TCEA3: variants seen among roughly 807,000 people sequenced by gnomAD.
The protein encoded by TCEA3 is transcription elongation factor A3.
In TCEA3, 36 loss-of-function variants were observed where a neutral mutation model predicts 44.0. The observed-to-expected ratio is 0.82, with a 90% CI of 0.63 to 1.08. The LOEUF (loss-of-function observed/expected upper bound fraction) is 1.08, where lower values mean the gene tolerates loss of function less well. Ranked by LOEUF, TCEA3 falls within the 50% of genes least tolerant of loss-of-function variation. The probability of loss-of-function intolerance (pLI) is 0.00; values close to 1 mark genes in which losing one functional copy is unlikely to be tolerated. For missense variants in TCEA3, 392 were observed against 441.2 expected (o/e 0.89, Z 1.00); for synonymous variants, 162 against 159.7 (o/e 1.01, Z -0.11).
At chr1:23,411,885 G>A (rs1212851814) in intron 4 of TCEA3, among the ~76,000 whole-genome samples, 1 of 152,212 alleles carries the variant, frequency 6.6e-6, no homozygotes, top group East Asian at 1.9e-4. Context: ...TGCCAGCTAT[G>A]CAAGGCCACA....
At chr1:23,387,790 T>C (rs1638895017) in intron 8 of TCEA3, among the ~76,000 whole-genome samples, 1 of 152,230 alleles carries the variant, frequency 6.6e-6, no homozygotes, top group Non-Finnish European at 1.5e-5. Context: ...TGGTCTATGA[T>C]GTTCCCCTTA....
At chr1:23,395,237 G>T (rs1359372614) in intron 7 of TCEA3, among the ~76,000 whole-genome samples, 1 of 152,210 alleles carries the variant, frequency 6.6e-6, no homozygotes, top group Non-Finnish European at 1.5e-5. Context: ...GGATTCCTGG[G>T]GTGTATTGAT....
intron 7 of TCEA3, among the ~76,000 whole-genome samples, chr1:23,396,933 AGTT>A (rs1639231387): frequency 6.7e-6 from 1 of 148,828 alleles, no homozygotes; most frequent in Non-Finnish European, 1.5e-5. Flanking sequence ...TGAACCCAGA[AGTT>A]GTAGGTTGCA....
At chr1:23,407,638 C>A (rs1203714607) in intron 5 of TCEA3, among the ~76,000 whole-genome samples, 1 of 152,030 alleles carries the variant, frequency 6.6e-6, no homozygotes, top group Non-Finnish European at 1.5e-5. Flanking sequence ...CATGAATATC[C>A]TTCCCCGATC....
At chr1:23,395,217 G>C (rs1186932095) in intron 7 of TCEA3, among the ~76,000 whole-genome samples, 1 of 152,224 alleles carries the variant, frequency 6.6e-6, no homozygotes, top group Non-Finnish European at 1.5e-5. Context: ...GTTTTAAAAT[G>C]TACCACTTGG....
chr1:23,391,806 C>T (rs1639035888), intron 8 of TCEA3, among the ~76,000 whole-genome samples: 1 of 152,058 alleles, frequency 6.6e-6, no homozygotes, highest in South Asian at 2.1e-4. Flanking sequence ...CCCTGTAATC[C>T]CAGCTACTCG....
intron 5 of TCEA3, chr1:23,403,492 T>C (rs1479377365): frequency 1.3e-5 from 2 of 152,330 alleles, no homozygotes; most frequent in East Asian, 1.9e-4. Flanking sequence ...TTACAAAGTA[T>C]TATGTATTTA....
chr1:23,419,611 C>T (rs1177795191), intron 1 of TCEA3, among the ~76,000 whole-genome samples: 3 of 152,064 alleles, frequency 2.0e-5, no homozygotes, highest in East Asian at 1.9e-4. Flanking sequence ...CTGAGGTGGG[C>T]GGGTCACTTG....
In TCEA3 at chr1:23,383,482, T is replaced by C. The variant is rs189374486; in HGVS notation, c.1038+864A>G. 2.6e-5 allele frequency: 24 copies of C among 916,362 alleles called. No homozygotes were observed. In the African/African-American group the frequency reaches 4.1e-4, roughly 16 times the overall value. 56.8% of individuals were successfully genotyped at this position (916,362 alleles called of 1,614,324 possible). ...ATACATGATAACCCTCATATCAAAA[T>C]GATCCTCACATCATCAAACCTGGGA... On this transcript the variant is annotated intron_variant, in intron 10 of 10. Coordinates refer to ENST00000450454, the MANE Select transcript of TCEA3 (RefSeq NM_003196.3).
At chr1:23,391,991 G>A (rs930913755) in intron 8 of TCEA3, among the ~76,000 whole-genome samples, 10 of 152,246 alleles carry the variant, frequency 6.6e-5, no homozygotes, top group South Asian at 6.2e-4. Flanking sequence ...CTACCCAGGC[G>A]ATGTTCGTTA....
At chr1:23,411,550 A>G in intron 4 of TCEA3, 1 of 222,486 alleles carries the variant, frequency 4.5e-6, no homozygotes. Flanking sequence ...AATCATAGTG[A>G]GGCAGAAATT....
chr1:23,402,414 T>A (rs149745532), intron 5 of TCEA3, among the ~76,000 whole-genome samples: 77 of 152,242 alleles, frequency 5.1e-4, no homozygotes, highest in South Asian at 3.9e-3. Context: ...CCCTACCCAC[T>A]TTCTGATGTA....
chr1:23,408,473 G>C, intron 5 of TCEA3, 191 bp downstream of exon 5: 1 of 553,568 alleles, frequency 1.8e-6, no homozygotes, highest in Non-Finnish European at 3.3e-6. Context: ...AGAGATCAAA[G>C]GCACATCCAG....
At chr1:23,394,160 T>C in intron 7 of TCEA3, 127 bp from the exon 8 acceptor site, 1 of 1,160,090 alleles carries the variant, frequency 8.6e-7, no homozygotes, top group Non-Finnish European at 1.2e-6. Context: ...GTTGGGCCCC[T>C]CTTTTGTGAC....
intron 3 of TCEA3, among the ~76,000 whole-genome samples, chr1:23,417,624 G>A (rs1639931763): frequency 6.6e-6 from 1 of 152,208 alleles, no homozygotes; most frequent in East Asian, 1.9e-4. Flanking sequence ...CACATATTAA[G>A]ACAAATGTGT....
chr1:23,417,196 T>C, intron 4 of TCEA3, 53 bp downstream of exon 4: 3 of 1,588,968 alleles, frequency 1.9e-6, no homozygotes, highest in Non-Finnish European at 2.6e-6. Flanking sequence ...TGAGTTGCTG[T>C]CAGAGGACGT....
Position 23,401,782 on chromosome 1 carries a change from G to A in TCEA3, c.444-3827C>T, listed in dbSNP as rs544969896. 1.9e-3 allele frequency among the ~76,000 whole-genome samples: 285 copies of A among 152,182 alleles called. 2 individuals are homozygous for A. The highest frequency in any genetic ancestry group is 6.0e-3 in the African/African-American group (249 of 41,536). ...AGGGGTTCCCACCCCCTGGGGCCAC[G>A]GACTGGTACCAGTCTGTGGCCTGTT... On this transcript the variant is annotated intron_variant, in intron 5 of 10. Coordinates refer to ENST00000450454, the MANE Select transcript of TCEA3 (RefSeq NM_003196.3).
chr1:23,403,043 C>T (rs1397934734), intron 5 of TCEA3, among the ~76,000 whole-genome samples: 1 of 152,212 alleles, frequency 6.6e-6, no homozygotes, highest in Non-Finnish European at 1.5e-5. Flanking sequence ...CAAAGCCAGC[C>T]TCTGTCAACT....
intron 5 of TCEA3, among the ~76,000 whole-genome samples, chr1:23,399,725 G>A (rs906957166): frequency 6.6e-6 from 1 of 151,002 alleles, no homozygotes; most frequent in Non-Finnish European, 1.5e-5. Context: ...TGCCAGGCTG[G>A]AGTGCAGTGG....
Sources: gnomAD v4.1 joint callset for allele counts (sites outside exome capture counted in the v4.1 genomes callset) on GRCh38, gnomAD v4.1.1 for gene constraint, MANE v1.5 for transcripts, NCBI Gene and HGNC (gene_info 2026-07-23, HGNC 2026-07-21) for gene names.